GABRG3: variants seen among roughly 807,000 people sequenced by gnomAD.
The protein encoded by GABRG3 is gamma-aminobutyric acid type A receptor subunit gamma3, also known as gamma-aminobutyric acid receptor subunit gamma-3.
In GABRG3, 25 loss-of-function variants were observed where a neutral mutation model predicts 48.8. The ratio of observed to expected loss-of-function variants is 0.51; its 90% confidence interval spans 0.37 to 0.72. The LOEUF (loss-of-function observed/expected upper bound fraction) is 0.72. Among genes scored for constraint, GABRG3 ranks in the 30% least tolerant of loss-of-function variants. GABRG3 has a pLI of 0.00. For synonymous variants in GABRG3, 227 were observed against 217.6 expected (o/e 1.04, Z -0.38); for missense variants, 394 against 577.9 (o/e 0.68, Z 3.26).
chr15:27,344,885 TACATGC>T (rs1211850732), intron 5 of GABRG3, among the ~76,000 whole-genome samples: 1 of 152,144 alleles, frequency 6.6e-6, no homozygotes, highest in Non-Finnish European at 1.5e-5. Context: ...TTTTGTTAGG[TACATGC>T]ACGATGAGGA....
At chr15:27,282,468 T>G (rs1398184776) in intron 3 of GABRG3, among the ~76,000 whole-genome samples, 1 of 152,190 alleles carries the variant, frequency 6.6e-6, no homozygotes, top group Non-Finnish European at 1.5e-5. Context: ...TACTGATTGC[T>G]TCCTCTCTCG....
chr15:27,439,915 C>G (rs1254200483), intron 5 of GABRG3, among the ~76,000 whole-genome samples: 1 of 152,180 alleles, frequency 6.6e-6, no homozygotes, highest in African/African-American at 2.4e-5. Flanking sequence ...GACCTTATTG[C>G]GTTCCCATGC....
chr15:27,232,606 G>A (rs1889834032), intron 3 of GABRG3, among the ~76,000 whole-genome samples: 1 of 152,126 alleles, frequency 6.6e-6, no homozygotes, highest in Non-Finnish European at 1.5e-5. Flanking sequence ...TCTGAGTGCT[G>A]GGACTAGAGG....
At chr15:27,329,157 C>T (rs1893720180) in intron 5 of GABRG3, among the ~76,000 whole-genome samples, 1 of 152,158 alleles carries the variant, frequency 6.6e-6, no homozygotes, top group South Asian at 2.1e-4. Flanking sequence ...CATTGATTTA[C>T]CAAAGACCCT....
intron 3 of GABRG3, among the ~76,000 whole-genome samples, chr15:27,093,600 C>T (rs1232289314): frequency 2.0e-5 from 3 of 152,008 alleles, no homozygotes; most frequent in Admixed American, 6.6e-5. Flanking sequence ...ATGGTCGTAG[C>T]TATGATGTTT....
At position 27,251,897 on chromosome 15, in the gene GABRG3, G is replaced by A. The variant is rs116913663; in HGVS notation, c.271-74912G>A. Among the ~76,000 whole-genome samples the A allele has an allele frequency of 9.8e-3, 1,498 of 152,266 alleles. 11 individuals carry two copies. The highest frequency in any genetic ancestry group is 0.016 in the Non-Finnish European group (1,073 of 68,038). Reference sequence around the variant, plus strand: ...GCCGCCTCTGATAGCCCGGGCCTGCGTCCTTGCCACAGTCAGATGTGGCTC... The same window carrying A: ...GCCGCCTCTGATAGCCCGGGCCTGCATCCTTGCCACAGTCAGATGTGGCTC... On this transcript the variant is annotated intron_variant, in intron 3 of 9. Coordinates refer to ENST00000615808, the MANE Select transcript of GABRG3 (RefSeq NM_033223.5).
At chr15:27,322,211 G>A (rs1186688350) in intron 3 of GABRG3, among the ~76,000 whole-genome samples, 4 of 152,176 alleles carry the variant, frequency 2.6e-5, no homozygotes, top group Non-Finnish European at 5.9e-5. Flanking sequence ...GTCAAATGTA[G>A]ACACAATAAA....
Position 27,352,111 on chromosome 15 carries a change from GGTGT to G in GABRG3, c.574+23230_574+23233del, listed in dbSNP as rs1199087533. Among the ~76,000 whole-genome samples, 1 of 148,524 alleles carries G rather than the reference GGTGT, an allele frequency of 6.7e-6. No homozygotes were observed. The highest frequency in any genetic ancestry group is 1.5e-5 in the Non-Finnish European group (1 of 66,970). On this transcript the variant is annotated intron_variant, in intron 5 of 9. Coordinates refer to ENST00000615808, the MANE Select transcript of GABRG3 (RefSeq NM_033223.5). The surrounding 1 kb of genome is among the most constrained non-coding windows in gnomAD (Gnocchi z 4.0). ...GTGTGTGTATGATGTGTGTATGTAT[GGTGT>G]GTGTGTATGTATGATGTGTGTATTG...
At chr15:27,226,538 C>G (rs545957075) in intron 3 of GABRG3, among the ~76,000 whole-genome samples, 1 of 151,996 alleles carries the variant, frequency 6.6e-6, no homozygotes, top group Admixed American at 6.5e-5. Flanking sequence ...GAACCCTGCA[C>G]AGCTCCTGCT....
intron 6 of GABRG3, among the ~76,000 whole-genome samples, chr15:27,492,769 G>A (rs1890386348): frequency 6.6e-6 from 1 of 152,258 alleles, no homozygotes; most frequent in Admixed American, 6.5e-5. Context: ...CTTTGTGCGT[G>A]TAAAGGCTGG....
At position 27,479,299 on chromosome 15, in the gene GABRG3, A is replaced by G. The variant is rs1351478666; in HGVS notation, c.575-1351A>G. Among the ~76,000 whole-genome samples, 4 of 152,252 alleles carry G rather than the reference A, an allele frequency of 2.6e-5. No homozygotes were observed. In the East Asian group the frequency reaches 7.7e-4, roughly 29 times the overall value. On this transcript the variant is annotated intron_variant, in intron 5 of 9. Transcript: ENST00000615808. ...ATTGGGACATGGCCAATGGCCAAGG[A>G]CAGTGTTTGATTCCTTCATAGAAAT... is the stretch of plus-strand genomic sequence containing the variant.
chr15:27,530,329 G>A (rs2169640), intron 9 of GABRG3, among the ~76,000 whole-genome samples: 1 of 152,214 alleles, frequency 6.6e-6, no homozygotes, highest in East Asian at 1.9e-4. Context: ...CAGGGACCCA[G>A]CTGGGCCAAA....
chr15:27,072,003 G>C (rs1033573913), intron 3 of GABRG3, among the ~76,000 whole-genome samples: 1 of 152,210 alleles, frequency 6.6e-6, no homozygotes, highest in Non-Finnish European at 1.5e-5. Context: ...CATAAGCAAA[G>C]CCGCACAAAG....
intron 3 of GABRG3, among the ~76,000 whole-genome samples, chr15:27,117,536 A>G (rs893276555): frequency 1.3e-5 from 2 of 152,186 alleles, no homozygotes; most frequent in Non-Finnish European, 2.9e-5. Context: ...TGAAACAAAT[A>G]AAATATGTTT....
At chr15:27,154,134 T>C (rs1302517069) in intron 3 of GABRG3, among the ~76,000 whole-genome samples, 1 of 152,180 alleles carries the variant, frequency 6.6e-6, no homozygotes, top group Non-Finnish European at 1.5e-5. Context: ...TCCCTCCTTG[T>C]ATAGAATCTG....
At chr15:27,247,543 C>G (rs561061891) in intron 3 of GABRG3, among the ~76,000 whole-genome samples, 1 of 152,168 alleles carries the variant, frequency 6.6e-6, no homozygotes, top group Non-Finnish European at 1.5e-5. Context: ...TCTACCCCAA[C>G]TCTACCAGGA....
intron 5 of GABRG3, among the ~76,000 whole-genome samples, chr15:27,390,248 T>C (rs931076644): frequency 6.6e-6 from 1 of 152,212 alleles, no homozygotes; most frequent in African/African-American, 2.4e-5. Flanking sequence ...AACAAACCAC[T>C]ATTATTTACT....
chr15:27,308,268 A>G (rs1892789505), intron 3 of GABRG3, among the ~76,000 whole-genome samples: 1 of 132,170 alleles, frequency 7.6e-6, no homozygotes. Context: ...TTATATATAA[A>G]CATAATATAA....
intron 5 of GABRG3, among the ~76,000 whole-genome samples, chr15:27,356,880 GTTTA>G: frequency 6.6e-6 from 1 of 152,260 alleles, no homozygotes; most frequent in East Asian, 1.9e-4. Flanking sequence ...AACCCTATAG[GTTTA>G]TTTAATGTCT....
Sources: gnomAD v4.1 joint callset for allele counts (sites outside exome capture counted in the v4.1 genomes callset) on GRCh38, gnomAD v4.1.1 for gene constraint, Gnocchi (gnomAD v3.1) non-coding constraint, MANE v1.5 for transcripts, NCBI Gene and HGNC (gene_info 2026-07-23, HGNC 2026-07-21) for gene names.